Variants in TAFA2 observed in about 807,000 individuals in gnomAD.
TAFA2 encodes the protein TAFA chemokine like family member 2.
In TAFA2, 7 loss-of-function variants were observed where a neutral mutation model predicts 18.8. The ratio of observed to expected loss-of-function variants is 0.37; its 90% CI spans 0.21 to 0.70. The LOEUF is 0.70. Ranked by LOEUF, TAFA2 falls within the 30% of genes least tolerant of loss-of-function variation. The probability of loss-of-function intolerance (pLI) is 0.53; values close to 1 mark genes in which losing one functional copy is unlikely to be tolerated. For missense variants in TAFA2, 122 were observed against 158.1 expected, an observed-to-expected ratio of 0.77 and a Z score of 1.23; for synonymous variants, 60 against 54.2, an observed-to-expected ratio of 1.11 and a Z score of -0.47.
intron 1 of TAFA2, among the ~76,000 whole-genome samples, chr12:62,003,279 T>C (rs1920704): frequency 0.018 from 2,741 of 152,230 alleles, 102 homozygotes; most frequent in African/African-American, 0.063. Flanking sequence ...GTCCAAGCAA[T>C]GCCTTACAAA....
chr12:62,095,501 T>C (rs1181936692), intron 1 of TAFA2, among the ~76,000 whole-genome samples: 1 of 152,074 alleles, frequency 6.6e-6, no homozygotes, highest in Non-Finnish European at 1.5e-5. Flanking sequence ...CATTAAGAAA[T>C]TGCATAGCAA....
intron 1 of TAFA2, among the ~76,000 whole-genome samples, chr12:62,027,134 G>T (rs1881331777): frequency 6.6e-6 from 1 of 152,068 alleles, no homozygotes; most frequent in Admixed American, 6.6e-5. Flanking sequence ...ATTAGACAAA[G>T]TCATTTAACT....
chr12:61,972,417 AG>A (rs1879280418), intron 1 of TAFA2, among the ~76,000 whole-genome samples: 1 of 151,600 alleles, frequency 6.6e-6, no homozygotes, highest in African/African-American at 2.4e-5. Flanking sequence ...GATACAACCA[AG>A]TGGTGATAAC....
chr12:61,850,850 T>G (rs1356518859), intron 2 of TAFA2, among the ~76,000 whole-genome samples: 1 of 152,164 alleles, frequency 6.6e-6, no homozygotes, highest in Non-Finnish European at 1.5e-5. Flanking sequence ...TTCTTCAATA[T>G]AATGGTAGAG....
chr12:61,955,733 A>T (rs1002204816), intron 1 of TAFA2, among the ~76,000 whole-genome samples: 14 of 146,342 alleles, frequency 9.6e-5, no homozygotes, highest in South Asian at 4.3e-4. Context: ...ATGTTTTTTT[A>T]AAAAAATTGC....
intron 2 of TAFA2, among the ~76,000 whole-genome samples, chr12:61,845,958 T>C (rs1873386709): frequency 6.6e-6 from 1 of 152,214 alleles, no homozygotes; most frequent in Non-Finnish European, 1.5e-5. Context: ...TACAAGGGAA[T>C]AGTTGTGTTT....
chr12:62,201,852 G>A (rs1322698389), intron 1 of TAFA2, among the ~76,000 whole-genome samples: 1 of 152,176 alleles, frequency 6.6e-6, no homozygotes. Flanking sequence ...GAATTCAGCT[G>A]CAAATCTGTC....
upstream of TAFA2, among the ~76,000 whole-genome samples, chr12:62,196,581 C>A (rs1444820343): frequency 6.6e-6 from 1 of 152,126 alleles, no homozygotes; most frequent in African/African-American, 2.4e-5. Flanking sequence ...GTTGGGGGAA[C>A]AGCCAGTTGG....
At chr12:62,042,689 T>C (rs1269349037) in intron 1 of TAFA2, among the ~76,000 whole-genome samples, 1 of 152,172 alleles carries the variant, frequency 6.6e-6, no homozygotes, top group African/African-American at 2.4e-5. Context: ...CCTATATTTT[T>C]TCTGTTACTA....
chr12:61,859,000 A>G (rs1175238867), intron 2 of TAFA2, among the ~76,000 whole-genome samples: 3 of 152,374 alleles, frequency 2.0e-5, no homozygotes, highest in East Asian at 3.9e-4. Flanking sequence ...TTAAATGCCT[A>G]TAGTAGAATT....
At chr12:62,131,325 C>T (rs934156762) in intron 1 of TAFA2, among the ~76,000 whole-genome samples, 5 of 152,032 alleles carry the variant, frequency 3.3e-5, no homozygotes, top group Non-Finnish European at 5.9e-5. Context: ...AATTTCTCTA[C>T]GCACTTAACC....
At chr12:62,005,295 T>C (rs999079982) in intron 1 of TAFA2, among the ~76,000 whole-genome samples, 2 of 152,054 alleles carry the variant, frequency 1.3e-5, no homozygotes, top group Admixed American at 6.5e-5. Context: ...CAATATACCA[T>C]ATATATACAC....
intron 1 of TAFA2, among the ~76,000 whole-genome samples, chr12:62,086,190 A>T (rs1235206956): frequency 2.1e-5 from 3 of 145,106 alleles, no homozygotes; most frequent in Non-Finnish European, 4.5e-5. Context: ...AAAACAAAAC[A>T]AAAACAAAAA....
intron 2 of TAFA2, among the ~76,000 whole-genome samples, chr12:61,854,994 A>G (rs1204442456): frequency 6.6e-6 from 1 of 152,208 alleles, no homozygotes; most frequent in Non-Finnish European, 1.5e-5. Flanking sequence ...CACCAGATGC[A>G]GAGGAAAACC....
At chr12:62,039,689 T>C (rs888934594) in intron 1 of TAFA2, among the ~76,000 whole-genome samples, 1 of 152,212 alleles carries the variant, frequency 6.6e-6, no homozygotes, top group Admixed American at 6.5e-5. Flanking sequence ...GAGAGATGGC[T>C]CTTCTAACTG....
chr12:62,123,530 G>A (rs1013180098), intron 1 of TAFA2, among the ~76,000 whole-genome samples: 7 of 151,854 alleles, frequency 4.6e-5, no homozygotes, highest in African/African-American at 7.3e-5. Context: ...AAAAAAAAGT[G>A]GTCAGATCTT....
chr12:62,033,627 C>T (rs551216418), intron 1 of TAFA2, among the ~76,000 whole-genome samples: 1 of 152,152 alleles, frequency 6.6e-6, no homozygotes, highest in East Asian at 1.9e-4. Flanking sequence ...TATTCTATCA[C>T]AATATGAAGA....
At chr12:61,743,019 T>A (rs553838692) in intron 4 of TAFA2, among the ~76,000 whole-genome samples, 1 of 151,932 alleles carries the variant, frequency 6.6e-6, no homozygotes, top group Admixed American at 6.6e-5. Flanking sequence ...CACCACTGCA[T>A]GGAGAAAAAA....
intron 1 of TAFA2, among the ~76,000 whole-genome samples, chr12:61,967,770 A>G (rs1389497841): frequency 1.3e-5 from 2 of 151,862 alleles, no homozygotes; most frequent in African/African-American, 4.8e-5. Context: ...GATAAGTCGA[A>G]ATTTGTGAAA....
Sources: allele counts gnomAD v4.1 joint callset (sites outside exome capture counted in the v4.1 genomes callset), GRCh38; gene constraint gnomAD v4.1.1; transcripts MANE v1.5; gene names NCBI Gene and HGNC (gene_info 2026-07-23, HGNC 2026-07-21).